SPSB1: variants seen among roughly 807,000 people sequenced by gnomAD.
SPSB1 encodes the protein splA/ryanodine receptor domain and SOCS box containing 1, also known as SPRY domain-containing SOCS box protein 1.
Under a neutral mutation model 21.2 loss-of-function variants are expected in SPSB1, and 8 were observed. That is an observed-to-expected ratio of 0.38 (90% CI 0.22 to 0.68). The LOEUF is 0.68. Ranked by LOEUF, SPSB1 falls within the 30% of genes least tolerant of loss-of-function variation. SPSB1 has a pLI of 0.53. For missense variants in SPSB1, 242 were observed against 377.8 expected (o/e 0.64, Z 2.98); for synonymous variants, 169 against 161.7 (o/e 1.05, Z -0.34).
rs1441415344 is a variant in SPSB1, at chr1:9,346,168, G to A, written c.-149-9575G>A. Among the ~76,000 whole-genome samples, 1 of 152,254 alleles carries A rather than the reference G, an allele frequency of 6.6e-6. No homozygotes were observed. The highest frequency in any genetic ancestry group is 1.5e-5 in the Non-Finnish European group (1 of 68,044). The stretch of plus-strand genomic sequence containing the variant: ...GCATGTTTCTCTTGCAAAATCCTGG[G>A]CTGCCACCACTGATGTGTGAGACGG... On this transcript the variant is annotated intron_variant, in intron 1 of 2. Transcript: ENST00000328089. This position sits in a 1 kb window ranked among gnomAD's most constrained non-coding sequence, Gnocchi z 4.4.
At position 9,293,819 on chromosome 1, in the gene SPSB1, G is replaced by A. The variant is rs1034261447; in HGVS notation, c.-150+748G>A. 6.6e-6 allele frequency among the ~76,000 whole-genome samples: 1 copy of A among 152,242 alleles called. No homozygotes were observed. Among genetic ancestry groups the A allele is most frequent in the African/African-American group, 2.4e-5 (1 of 41,464 alleles). On this transcript the variant is annotated intron_variant, in intron 1 of 2. Coordinates refer to ENST00000328089, the MANE Select transcript of SPSB1 (RefSeq NM_025106.4). The surrounding 1 kb of genome is among the most constrained non-coding windows in gnomAD (Gnocchi z 5.1). ...GGACGGCCCCGAGAGGAGGGTGCGGGTCTGCAGGAAGAGCGGGTGTCTCTG... is the reference window on the plus strand; with the variant it reads ...GGACGGCCCCGAGAGGAGGGTGCGGATCTGCAGGAAGAGCGGGTGTCTCTG...
intron 1 of SPSB1, among the ~76,000 whole-genome samples, chr1:9,303,020 G>A (rs933001056): frequency 2.0e-5 from 3 of 152,180 alleles, no homozygotes; most frequent in Non-Finnish European, 4.4e-5. Context: ...TGAACGGGGG[G>A]TAAGGCTGCC....
At chr1:9,355,207 T>C (rs12145659) in intron 1 of SPSB1, among the ~76,000 whole-genome samples, 14,948 of 152,226 alleles carry the variant, frequency 0.098, 992 homozygotes, top group East Asian at 0.27. Context: ...AAGGCCCTTT[T>C]CTGCAGTGAA....
chr1:9,361,098 C>G (rs995056931), intron 2 of SPSB1, among the ~76,000 whole-genome samples: 2 of 149,250 alleles, frequency 1.3e-5, no homozygotes, highest in South Asian at 2.1e-4. Context: ...AGGGTCTGCC[C>G]GGGAGCAGAG....
intron 2 of SPSB1, among the ~76,000 whole-genome samples, chr1:9,361,969 C>T (rs1640488331): frequency 6.6e-6 from 1 of 152,260 alleles, no homozygotes; most frequent in Non-Finnish European, 1.5e-5. Context: ...GAGGAGGCAT[C>T]TTCCATGCAG....
chr1:9,356,328 G>A lies in SPSB1; in HGVS notation c.437G>A (p.Arg146His), dbSNP rs139909114. The A allele has an allele frequency of 1.4e-5, 22 of 1,613,744 alleles. No homozygotes were observed. Among genetic ancestry groups the A allele is most frequent in the South Asian group, 4.4e-5 (4 of 91,086 alleles). The change falls in exon 2 of 3, where the codon CGC becomes CAC. Residue 146 changes from arginine to histidine, a missense_variant. Transcript: ENST00000328089. The surrounding 1 kb of genome is among the most constrained non-coding windows in gnomAD (Gnocchi z 7.4). ...GAGTCCTGGGGCTGGGACTTGGGGC[G>A]CAACCGGCTCTACCACGATGGCAAG... ...NHESWGWDLG[R>H]NRLYHDGKNQ... is the part of the protein sequence containing the mutation.
chr1:9,324,017 T>C lies in SPSB1; in HGVS notation c.-150+30946T>C, dbSNP rs940087273. ...AGTGACTACCCACAGCTGTCCTTGA[T>C]GGCCCAAACTCGGGCCGCAGAACCC... On this transcript the variant is annotated intron_variant, in intron 1 of 2. Transcript: ENST00000328089. This position sits in a 1 kb window ranked among gnomAD's most constrained non-coding sequence, Gnocchi z 4.3. 6.6e-6 allele frequency among the ~76,000 whole-genome samples: 1 copy of C among 152,216 alleles called. No individual in the cohort carries two copies. The highest frequency in any genetic ancestry group is 1.5e-5 in the Non-Finnish European group (1 of 68,036).
intron 1 of SPSB1, among the ~76,000 whole-genome samples, chr1:9,311,418 A>G (rs1193754118): frequency 1.3e-5 from 2 of 152,166 alleles, no homozygotes; most frequent in African/African-American, 2.4e-5. Flanking sequence ...AACACAGGGC[A>G]GAGTAGAGAG....
rs538930008 is a variant in SPSB1 at position 9,316,621 on chromosome 1, C to T, written c.-150+23550C>T. ...ACGAAAGGCTGGGAGCGTTTTGCTACCTTAGAGCCCACCCGTTCCCGCCAT... is the reference window on the plus strand; with the variant it reads ...ACGAAAGGCTGGGAGCGTTTTGCTATCTTAGAGCCCACCCGTTCCCGCCAT... On this transcript the variant is annotated intron_variant, in intron 1 of 2. Coordinates refer to ENST00000328089, the MANE Select transcript of SPSB1 (RefSeq NM_025106.4). Among the ~76,000 whole-genome samples the T allele has an allele frequency of 2.6e-5, 4 of 152,262 alleles. No homozygotes were observed. The East Asian group carries it at 7.7e-4, about 29-fold the overall frequency.
chr1:9,341,825 C>G (rs926588380), intron 1 of SPSB1, among the ~76,000 whole-genome samples: 2 of 152,210 alleles, frequency 1.3e-5, no homozygotes, highest in South Asian at 4.1e-4. Flanking sequence ...GCCTCAGCCT[C>G]CTGAGTAGCT....
At chr1:9,349,790 T>A (rs1465881908) in intron 1 of SPSB1, among the ~76,000 whole-genome samples, 1 of 152,184 alleles carries the variant, frequency 6.6e-6, no homozygotes, top group Non-Finnish European at 1.5e-5. Context: ...TGTTTTTCTC[T>A]CTTGACCCTT....
intron 1 of SPSB1, among the ~76,000 whole-genome samples, chr1:9,352,420 A>G (rs992483708): frequency 3.9e-5 from 6 of 152,184 alleles, no homozygotes; most frequent in African/African-American, 1.4e-4. Context: ...GGCGGACCCC[A>G]GGCCAGCCTG....
Position 9,363,236 on chromosome 1 carries a change from A to G in SPSB1, c.695-4212A>G, listed in dbSNP as rs1640507859. On this transcript the variant is annotated intron_variant, in intron 2 of 2. Coordinates refer to ENST00000328089, the MANE Select transcript of SPSB1 (RefSeq NM_025106.4). The surrounding 1 kb of genome is among the most constrained non-coding windows in gnomAD (Gnocchi z 4.5). ...CCTCCTGCAAGATCAAGGAGGCGTG[A>G]CCTGTTTATGTACTTGAGGACCCAG... Among the ~76,000 whole-genome samples, 1 of 152,128 alleles carries G rather than the reference A, an allele frequency of 6.6e-6. No homozygotes were observed. Among genetic ancestry groups the G allele is most frequent in the South Asian group, 2.1e-4 (1 of 4,816 alleles).
At chr1:9,347,444 G>A (rs562660623) in intron 1 of SPSB1, among the ~76,000 whole-genome samples, 7 of 152,210 alleles carry the variant, frequency 4.6e-5, no homozygotes, top group East Asian at 1.9e-4. Flanking sequence ...TTCAAAAAGC[G>A]TTTTTTCCCT....
At chr1:9,304,489 G>A (rs992451140) in intron 1 of SPSB1, among the ~76,000 whole-genome samples, 1 of 152,226 alleles carries the variant, frequency 6.6e-6, no homozygotes, top group African/African-American at 2.4e-5. Flanking sequence ...GGAAGCTGGA[G>A]CTGGAAGGCC....
intron 1 of SPSB1, among the ~76,000 whole-genome samples, chr1:9,330,448 G>C: frequency 6.7e-6 from 1 of 149,936 alleles, no homozygotes; most frequent in South Asian, 2.2e-4. Context: ...CTGGGCGACA[G>C]GAGCTAAATT....
In SPSB1 at chr1:9,317,925, C is replaced by CAAG; in HGVS notation, c.-150+24854_-150+24855insAAG. Among the ~76,000 whole-genome samples the CAAG allele has an allele frequency of 6.6e-6, 1 of 151,322 alleles. No individual in the cohort carries two copies. Among genetic ancestry groups the CAAG allele is most frequent in the Non-Finnish European group, 1.5e-5 (1 of 67,966 alleles). On this transcript the variant is annotated intron_variant, in intron 1 of 2. Coordinates refer to ENST00000328089, the MANE Select transcript of SPSB1 (RefSeq NM_025106.4). The surrounding 1 kb of genome is among the most constrained non-coding windows in gnomAD (Gnocchi z 4.3). ...CTTCCTTGGCACACCATTCGCTCCG[C>CAAG]GAGTTTGTTAAGGGCCCCTGTGTGC...
At chr1:9,332,284 A>T (rs1439218065) in intron 1 of SPSB1, among the ~76,000 whole-genome samples, 5 of 152,144 alleles carry the variant, frequency 3.3e-5, no homozygotes, top group African/African-American at 4.8e-5. Flanking sequence ...GTGGCCTTGC[A>T]AGTGATGACT....
intron 1 of SPSB1, among the ~76,000 whole-genome samples, chr1:9,333,918 G>T (rs1639964741): frequency 1.3e-5 from 2 of 152,042 alleles, no homozygotes; most frequent in South Asian, 4.1e-4. Context: ...GCCTGGCCAG[G>T]GATGCTCCGC....
Sources: allele counts gnomAD v4.1 joint callset (sites outside exome capture counted in the v4.1 genomes callset), GRCh38; gene constraint gnomAD v4.1.1; non-coding constraint Gnocchi (gnomAD v3.1); transcripts MANE v1.5; gene names NCBI Gene and HGNC (gene_info 2026-07-23, HGNC 2026-07-21).